MAPK10: variants seen among roughly 807,000 people sequenced by gnomAD.
MAPK10 encodes mitogen-activated protein kinase 10, also known as JNK3 alpha protein kinase.
A neutral mutation model predicts 59.3 loss-of-function variants in MAPK10; 25 were observed. The ratio of observed to expected loss-of-function variants is 0.42; its 90% CI spans 0.31 to 0.59. The LOEUF is 0.59. MAPK10 is among the 20% of genes least tolerant of loss of function. The pLI, the probability that MAPK10 is intolerant of heterozygous loss-of-function variation, is 0.15. For missense variants in MAPK10, 351 were observed against 568.9 expected, an observed-to-expected ratio of 0.62 and a Z score of 3.90; for synonymous variants, 190 against 200.5, an observed-to-expected ratio of 0.95 and a Z score of 0.44.
chr4:86,360,394 G>A (rs1233725324), upstream of MAPK10, among the ~76,000 whole-genome samples: 1 of 152,154 alleles, frequency 6.6e-6, no homozygotes, highest in Non-Finnish European at 1.5e-5. Flanking sequence ...AACACCACTG[G>A]AAATGCAACC....
intron 1 of MAPK10, among the ~76,000 whole-genome samples, chr4:86,561,707 G>T (rs1206760889): frequency 6.6e-6 from 1 of 152,202 alleles, no homozygotes; most frequent in East Asian, 1.9e-4. Flanking sequence ...GAAAGTAGAT[G>T]AAACAGATAA....
chr4:86,374,316 T>C (rs1739428779), intron 1 of MAPK10, among the ~76,000 whole-genome samples: 1 of 152,112 alleles, frequency 6.6e-6, no homozygotes, highest in Non-Finnish European at 1.5e-5. Context: ...GATGATGGGT[T>C]GATGGGTACA....
intron 13 of MAPK10, chr4:86,028,062 T>C (rs1163485935): frequency 3.3e-5 from 5 of 152,378 alleles, no homozygotes; most frequent in Admixed American, 3.3e-4. Context: ...CTGGTCATTA[T>C]AGGAATTCTT....
intron 1 of MAPK10, among the ~76,000 whole-genome samples, chr4:86,568,413 T>C (rs1054545336): frequency 6.6e-6 from 1 of 152,214 alleles, no homozygotes; most frequent in African/African-American, 2.4e-5. Context: ...AATGTCATTC[T>C]TCACAGAATT....
chr4:86,231,644 A>G (rs1033412792), intron 2 of MAPK10, among the ~76,000 whole-genome samples: 1 of 152,160 alleles, frequency 6.6e-6, no homozygotes, highest in Admixed American at 6.5e-5. Flanking sequence ...ACCTGGTGAC[A>G]GAGCGAGACT....
At chr4:86,190,529 G>T (rs552858024) in intron 3 of MAPK10, among the ~76,000 whole-genome samples, 1 of 152,262 alleles carries the variant, frequency 6.6e-6, no homozygotes, top group African/African-American at 2.4e-5. Context: ...AAGTTTATTT[G>T]CATAGAGGTG....
intron 11 of MAPK10, among the ~76,000 whole-genome samples, chr4:86,063,768 C>CATG (rs2046188298): frequency 6.6e-6 from 1 of 152,018 alleles, no homozygotes; most frequent in Non-Finnish European, 1.5e-5. Flanking sequence ...ACTGAAATAC[C>CATG]CACTTCTAGT....
chr4:86,289,843 T>C (rs1474858626), intron 2 of MAPK10, among the ~76,000 whole-genome samples: 1 of 152,056 alleles, frequency 6.6e-6, no homozygotes, highest in Non-Finnish European at 1.5e-5. Flanking sequence ...GGGTGTTCTG[T>C]GGGATGGAAG....
chr4:86,475,619 C>T (rs975903401), intron 1 of MAPK10, among the ~76,000 whole-genome samples: 2 of 152,122 alleles, frequency 1.3e-5, no homozygotes, highest in Admixed American at 1.3e-4. Context: ...TGATTATTCA[C>T]CCACATTTCA....
At chr4:86,334,624 C>T (rs1719945071) in intron 2 of MAPK10, among the ~76,000 whole-genome samples, 1 of 152,016 alleles carries the variant, frequency 6.6e-6, no homozygotes, top group Non-Finnish European at 1.5e-5. Flanking sequence ...GCTGTTTCCT[C>T]AGCCTGGAAC....
At chr4:86,423,772 TATATATATATATATATATA>T (rs1746869416) in intron 1 of MAPK10, among the ~76,000 whole-genome samples, 1 of 75,080 alleles carries the variant, frequency 1.3e-5, no homozygotes, top group African/African-American at 3.7e-5. Context: ...TATATATACA[TATATATATATATATATATA>T]TATATGTTTA....
intron 1 of MAPK10, among the ~76,000 whole-genome samples, chr4:86,492,858 T>G (rs1407585878): frequency 6.6e-6 from 1 of 152,154 alleles, no homozygotes; most frequent in African/African-American, 2.4e-5. Context: ...CCAAAAACTG[T>G]AATTTAAAAA....
intron 2 of MAPK10, among the ~76,000 whole-genome samples, chr4:86,223,559 TC>T (rs777960067): frequency 6.6e-6 from 1 of 152,118 alleles, no homozygotes; most frequent in Non-Finnish European, 1.5e-5. Flanking sequence ...CCTGGAAAGC[TC>T]AGCACTTCCA....
intron 3 of MAPK10, among the ~76,000 whole-genome samples, chr4:86,168,553 G>C (rs1156966039): frequency 2.0e-5 from 3 of 152,338 alleles, no homozygotes; most frequent in Middle Eastern, 3.4e-3. Flanking sequence ...AAACAAAGCA[G>C]CCCGGAAGCT....
At chr4:86,291,659 T>A (rs533067131) in intron 2 of MAPK10, among the ~76,000 whole-genome samples, 1 of 152,296 alleles carries the variant, frequency 6.6e-6, no homozygotes, top group South Asian at 2.1e-4. Flanking sequence ...AATTTCTAAT[T>A]TTTTAGATAA....
intron 1 of MAPK10, among the ~76,000 whole-genome samples, chr4:86,591,217 C>A (rs545502167): frequency 6.6e-6 from 1 of 152,208 alleles, no homozygotes; most frequent in Admixed American, 6.5e-5. Flanking sequence ...AGCCACCATG[C>A]CCAGCCAGTT....
chr4:86,095,806 T>C (rs1014747108), intron 9 of MAPK10: 2 of 151,882 alleles, frequency 1.3e-5, no homozygotes, highest in African/African-American at 2.4e-5. Flanking sequence ...CTGAGATTTC[T>C]ATAGGTTTAT....
chr4:86,564,960 C>T (rs140886926), intron 1 of MAPK10, among the ~76,000 whole-genome samples: 88 of 152,182 alleles, frequency 5.8e-4, no homozygotes, highest in African/African-American at 2.0e-3. Context: ...TTTGGCATCT[C>T]GAGAACTTAT....
At chr4:86,134,827 C>A (rs146888912) in intron 4 of MAPK10, among the ~76,000 whole-genome samples, 3 of 152,138 alleles carry the variant, frequency 2.0e-5, no homozygotes, top group South Asian at 4.1e-4. Context: ...AGTGGGTGCA[C>A]GCACCATGCA....
Sources: allele counts gnomAD v4.1 joint callset (sites outside exome capture counted in the v4.1 genomes callset), GRCh38; gene constraint gnomAD v4.1.1; transcripts MANE v1.5; gene names NCBI Gene and HGNC (gene_info 2026-07-23, HGNC 2026-07-21).